The following SEMA3C variants were observed in gnomAD, a reference collection of about 807,000 sequenced individuals.
SEMA3C encodes semaphorin-3C.
In SEMA3C, 47 loss-of-function variants were observed where a neutral mutation model predicts 89.4. The ratio of observed to expected loss-of-function variants is 0.53; its 90% CI spans 0.42 to 0.67. The LOEUF (loss-of-function observed/expected upper bound fraction) is 0.67, where lower values mean the gene tolerates loss of function less well. Among genes scored for constraint, SEMA3C ranks in the 30% least tolerant of loss-of-function variants. The pLI is 0.00. For missense variants in SEMA3C, 839 were observed against 929.1 expected, an observed-to-expected ratio of 0.90 and a Z score of 1.26; for synonymous variants, 310 against 320.2, an observed-to-expected ratio of 0.97 and a Z score of 0.34.
chr7:80,863,823 G>A (rs951336329), intron 2 of SEMA3C, among the ~76,000 whole-genome samples: 1 of 113,324 alleles, frequency 8.8e-6, no homozygotes, highest in African/African-American at 4.5e-5. Flanking sequence ...ACATATATAT[G>A]TGATATGTGA....
At chr7:80,782,182 C>T (rs182041632) in intron 12 of SEMA3C, among the ~76,000 whole-genome samples, 2 of 152,312 alleles carry the variant, frequency 1.3e-5, no homozygotes, top group East Asian at 3.9e-4. Context: ...CTCCTTTCTT[C>T]CTAGGCATAA....
upstream of SEMA3C, chr7:80,919,254 GGCGGGGCC>G (rs1300029600): frequency 1.4e-4 from 135 of 985,248 alleles, no homozygotes; most frequent in East Asian, 0.01. Flanking sequence ...GGGCGGACCG[GGCGGGGCC>G]GACCCTTAGA....
chr7:80,778,963 T>C (rs1788628995), intron 12 of SEMA3C, among the ~76,000 whole-genome samples: 1 of 152,196 alleles, frequency 6.6e-6, no homozygotes, highest in Non-Finnish European at 1.5e-5. Flanking sequence ...AAATTCCTTA[T>C]CTGCATGGTC....
Position 80,805,673 on chromosome 7 carries a change from G to A in SEMA3C, c.624C>T (p.Val208=). 1.9e-6 allele frequency: 3 copies of A among 1,611,626 alleles called. No individual in the cohort carries two copies. The highest frequency in any genetic ancestry group is 2.5e-6 in the Non-Finnish European group (3 of 1,178,556). The change falls in exon 7 of 18, where the codon GTC becomes GTT. Residue 208 remains valine, a synonymous_variant. Coordinates refer to ENST00000265361, the MANE Select transcript of SEMA3C (RefSeq NM_006379.5). The part of the protein sequence containing the change: ...IFRSLTKRNA[V]RTDQHNSKWL... ...ATTTGGAATTATGTTGATCAGTTCT[G>A]ACCGCATTCCTCTTGGTTAAACTTC...
chr7:80,902,467 A>G lies in SEMA3C; in HGVS notation c.103+14212T>C, dbSNP rs371611342. ...GCTATGTTTATAAGCAAATGAAAGC[A>G]TCTAACTGTGCATATTAAAACAAAG... On this transcript the variant is annotated intron_variant, in intron 2 of 17. Coordinates refer to ENST00000265361, the MANE Select transcript of SEMA3C (RefSeq NM_006379.5). Among the ~76,000 whole-genome samples the G allele has an allele frequency of 4.6e-5, 7 of 152,340 alleles. No individual in the cohort carries two copies. The East Asian group carries it at 1.2e-3, about 25-fold the overall frequency.
chr7:80,874,976 C>A (rs534015243), intron 2 of SEMA3C, among the ~76,000 whole-genome samples: 198 of 151,708 alleles, frequency 1.3e-3, no homozygotes, highest in Non-Finnish European at 2.2e-3. Context: ...CCCAGCTACT[C>A]GGGAGGCTGA....
At chr7:80,749,373 G>A (rs1206513394) in intron 16 of SEMA3C, among the ~76,000 whole-genome samples, 1 of 152,144 alleles carries the variant, frequency 6.6e-6, no homozygotes, top group East Asian at 1.9e-4. Context: ...TTTCACAGCT[G>A]AGCAAACTGA....
At chr7:80,773,014 T>TTTA (rs1215021471) in intron 12 of SEMA3C, among the ~76,000 whole-genome samples, 2 of 152,130 alleles carry the variant, frequency 1.3e-5, no homozygotes, top group African/African-American at 4.8e-5. Flanking sequence ...AGAAGAAACA[T>TTTA]GTGTTTGCTC....
intron 2 of SEMA3C, among the ~76,000 whole-genome samples, chr7:80,854,948 C>G (rs953108000): frequency 6.6e-6 from 1 of 152,120 alleles, no homozygotes; most frequent in East Asian, 1.9e-4. Flanking sequence ...TGCCAACAGA[C>G]ATTTTGAAGC....
chr7:80,786,084 T>G lies in SEMA3C; in HGVS notation c.1354+3222A>C, dbSNP rs79591092. Among the ~76,000 whole-genome samples, 10 of 152,262 alleles carry G rather than the reference T, an allele frequency of 6.6e-5. No individual in the cohort carries two copies. The East Asian group carries it at 1.9e-3, about 29-fold the overall frequency. On this transcript the variant is annotated intron_variant, in intron 12 of 17. Coordinates refer to ENST00000265361, the MANE Select transcript of SEMA3C (RefSeq NM_006379.5). ...AGTGTCACAGCACACACTTTCCTAT[T>G]AGGATGGGATCCTCAAGAGACTCCT... is the stretch of plus-strand genomic sequence containing the variant.
chr7:80,861,692 G>C (rs1421242258), intron 2 of SEMA3C, among the ~76,000 whole-genome samples: 2 of 152,118 alleles, frequency 1.3e-5, no homozygotes, highest in Non-Finnish European at 2.9e-5. Flanking sequence ...TTTTGCGTAA[G>C]TATTCTTCAC....
intron 15 of SEMA3C, among the ~76,000 whole-genome samples, chr7:80,754,295 T>C (rs571542765): frequency 6.6e-6 from 1 of 152,286 alleles, no homozygotes; most frequent in South Asian, 2.1e-4. Flanking sequence ...TTTACCAACT[T>C]CATTATGTCA....
intron 15 of SEMA3C, among the ~76,000 whole-genome samples, chr7:80,756,870 C>G (rs979072212): frequency 2.6e-5 from 4 of 152,186 alleles, no homozygotes; most frequent in African/African-American, 9.7e-5. Flanking sequence ...TTGTACCTAC[C>G]TTCTCTGCCC....
chr7:80,848,596 T>C (rs898748412), intron 2 of SEMA3C, among the ~76,000 whole-genome samples: 27 of 152,194 alleles, frequency 1.8e-4, no homozygotes, highest in Non-Finnish European at 4.4e-5. Flanking sequence ...TATAAAAGGA[T>C]AAAACAATTA....
chr7:80,781,041 G>T (rs149172930), intron 12 of SEMA3C, among the ~76,000 whole-genome samples: 1 of 152,134 alleles, frequency 6.6e-6, no homozygotes, highest in African/African-American at 2.4e-5. Flanking sequence ...GAGACCACCC[G>T]CTTTCCTTGG....
intron 12 of SEMA3C, among the ~76,000 whole-genome samples, chr7:80,774,674 GA>G (rs1562869465): frequency 6.6e-6 from 1 of 152,000 alleles, no homozygotes; most frequent in Non-Finnish European, 1.5e-5. Context: ...TATGCAATTG[GA>G]AAAACAGAGG....
chr7:80,804,598 A>G (rs1789293177), intron 7 of SEMA3C, among the ~76,000 whole-genome samples: 1 of 152,184 alleles, frequency 6.6e-6, no homozygotes, highest in African/African-American at 2.4e-5. Flanking sequence ...TATAAACTCA[A>G]ATTTGTTGAA....
intron 2 of SEMA3C, among the ~76,000 whole-genome samples, chr7:80,869,824 G>C (rs962230848): frequency 1.3e-5 from 2 of 151,950 alleles, no homozygotes; most frequent in African/African-American, 4.8e-5. Context: ...AAAAGGGCTG[G>C]GTGTCTTATG....
chr7:80,861,560 C>T (rs1161339585), intron 2 of SEMA3C, among the ~76,000 whole-genome samples: 1 of 152,110 alleles, frequency 6.6e-6, no homozygotes, highest in East Asian at 1.9e-4. Flanking sequence ...CAAAACTGAG[C>T]ACTGTTCACA....
Sources: allele counts gnomAD v4.1 joint callset (sites outside exome capture counted in the v4.1 genomes callset), GRCh38; gene constraint gnomAD v4.1.1; transcripts MANE v1.5; gene names NCBI Gene and HGNC (gene_info 2026-07-23, HGNC 2026-07-21).